Variants in TLN2 observed in about 807,000 individuals in gnomAD.
TLN2 encodes talin-2.
In TLN2, 118 loss-of-function variants were observed where a neutral mutation model predicts 294.7. The observed-to-expected ratio is 0.40, with a 90% CI of 0.34 to 0.47. The LOEUF (loss-of-function observed/expected upper bound fraction) is 0.47, where lower values mean the gene tolerates loss of function less well. Among genes scored for constraint, TLN2 ranks in the 20% least tolerant of loss-of-function variants. The pLI, the probability that TLN2 is intolerant of heterozygous loss-of-function variation, is 0.84. For missense variants in TLN2, 3,083 were observed against 3,282.2 expected, an observed-to-expected ratio of 0.94 and a Z score of 1.48; for synonymous variants, 1,431 against 1,304.5, an observed-to-expected ratio of 1.10 and a Z score of -2.09.
intron 1 of TLN2, among the ~76,000 whole-genome samples, chr15:62,566,050 T>C (rs1323396231): frequency 2.0e-5 from 3 of 152,040 alleles, no homozygotes; most frequent in East Asian, 3.9e-4. Flanking sequence ...CAAGCATAAA[T>C]GTTTGTTGTT....
chr15:62,420,645 A>G (rs888202778), intron 1 of TLN2, among the ~76,000 whole-genome samples: 1 of 152,238 alleles, frequency 6.6e-6, no homozygotes, highest in East Asian at 1.9e-4. Context: ...GTTAAATATT[A>G]AAAGCCAGTG....
At chr15:62,636,219 G>T (rs2050364225) in intron 3 of TLN2, among the ~76,000 whole-genome samples, 1 of 151,782 alleles carries the variant, frequency 6.6e-6, no homozygotes, top group African/African-American at 2.4e-5. Flanking sequence ...TAGACTTAAT[G>T]ACTTCTAAGT....
At chr15:62,396,614 G>A (rs1028641978) in intron 1 of TLN2, among the ~76,000 whole-genome samples, 13 of 152,288 alleles carry the variant, frequency 8.5e-5, no homozygotes, top group Middle Eastern at 3.4e-3. Flanking sequence ...TAAGAGCTCA[G>A]GAAAGCTCTT....
At chr15:62,455,463 G>A (rs936683925) in intron 1 of TLN2, among the ~76,000 whole-genome samples, 1 of 152,168 alleles carries the variant, frequency 6.6e-6, no homozygotes, top group Non-Finnish European at 1.5e-5. Context: ...GTTAAAGACT[G>A]GGGCACCGCA....
At chr15:62,605,625 G>T (rs988737882) in intron 2 of TLN2, among the ~76,000 whole-genome samples, 5 of 143,476 alleles carry the variant, frequency 3.5e-5, no homozygotes, top group Non-Finnish European at 3.1e-5. Context: ...TACTTGACCT[G>T]CCAGCTCAGA....
intron 1 of TLN2, among the ~76,000 whole-genome samples, chr15:62,397,773 C>T (rs2032676952): frequency 6.6e-6 from 1 of 152,122 alleles, no homozygotes; most frequent in Non-Finnish European, 1.5e-5. Context: ...TTCCTTTGGT[C>T]CTTGGTGGGG....
intron 1 of TLN2, among the ~76,000 whole-genome samples, chr15:62,502,143 G>T (rs1157159250): frequency 6.6e-6 from 1 of 152,212 alleles, no homozygotes; most frequent in Non-Finnish European, 1.5e-5. Context: ...AGTTTCTTCA[G>T]CTGAAGGAAG....
At chr15:62,761,930 C>G in intron 38 of TLN2, 109 bp downstream of exon 38, 1 of 1,410,484 alleles carries the variant, frequency 7.1e-7, no homozygotes. Context: ...AACATGTAGG[C>G]TACTGTTACT....
In TLN2 at chr15:62,842,963, G is replaced by A. The variant is rs536384718; in HGVS notation, c.*2353G>A. ...TGGTTTCTCATTTCATAAGATAGTT[G>A]AAGGGCCATGCCTTGTCTGGATGTT... On this transcript the variant is annotated 3_prime_UTR_variant, in exon 59 of 59. Transcript: ENST00000636159. 3 of 152,184 alleles carry A rather than the reference G, an allele frequency of 2.0e-5. No homozygotes were observed. The highest frequency in any genetic ancestry group is 7.2e-5 in the African/African-American group (3 of 41,428). The allele number at this position is 152,184 out of a possible 1,614,324, so 9.4% of individuals were successfully genotyped here. A position where few individuals can be genotyped will look rare whatever the true frequency, so the allele number is the denominator to read the frequency against.
chr15:62,459,735 T>C (rs1056439280), intron 1 of TLN2, among the ~76,000 whole-genome samples: 5 of 152,200 alleles, frequency 3.3e-5, no homozygotes, highest in African/African-American at 1.2e-4. Flanking sequence ...TAGTTGTTTT[T>C]CTTTCCTCCT....
At chr15:62,723,606 C>T (rs941289640) in intron 26 of TLN2, among the ~76,000 whole-genome samples, 6 of 135,742 alleles carry the variant, frequency 4.4e-5, no homozygotes, top group African/African-American at 1.4e-4. Flanking sequence ...TACAGTGGTG[C>T]AGTCATGGCT....
chr15:62,670,108 C>T (rs948093472), intron 9 of TLN2, among the ~76,000 whole-genome samples: 1 of 152,172 alleles, frequency 6.6e-6, no homozygotes, highest in African/African-American at 2.4e-5. Flanking sequence ...TGGACACCAC[C>T]ATCTGGTATT....
intron 55 of TLN2, chr15:62,835,200 A>G (rs1293048779): frequency 1.3e-5 from 2 of 154,194 alleles, no homozygotes; most frequent in Admixed American, 6.4e-5. Context: ...AGAGATCCAT[A>G]TTTCTCTCCC....
At position 62,541,951 on chromosome 15, in the gene TLN2, T is replaced by C. The variant is rs183390585; in HGVS notation, c.-237-47736T>C. ...ATATTGTGGATTATTTGTGAACAAA[T>C]ATTTTAATATACTAGATAAAAAGAC... On this transcript the variant is annotated intron_variant, in intron 1 of 58. Transcript: ENST00000636159. Among the ~76,000 whole-genome samples, 4 of 151,634 alleles carry C rather than the reference T, an allele frequency of 2.6e-5. No individual in the cohort carries two copies. The East Asian group carries it at 5.8e-4, about 22-fold the overall frequency.
chr15:62,775,472 G>A (rs374352369), intron 42 of TLN2, among the ~76,000 whole-genome samples: 1 of 152,184 alleles, frequency 6.6e-6, no homozygotes, highest in Non-Finnish European at 1.5e-5. Flanking sequence ...CCCAAAGAGA[G>A]TTCTGTGTAT....
At chr15:62,558,265 T>C (rs2042715646) in intron 1 of TLN2, among the ~76,000 whole-genome samples, 1 of 152,322 alleles carries the variant, frequency 6.6e-6, no homozygotes, top group African/African-American at 2.4e-5. Flanking sequence ...TTGTCATCCA[T>C]CTGATGTAGA....
chr15:62,465,903 G>A (rs2037109518), intron 1 of TLN2, among the ~76,000 whole-genome samples: 1 of 152,188 alleles, frequency 6.6e-6, no homozygotes, highest in South Asian at 2.1e-4. Flanking sequence ...AGAATCATAG[G>A]TTTTAGGATT....
rs112061643 is a variant in TLN2, at chr15:62,670,989, T to C, written c.789-2838T>C. Among the ~76,000 whole-genome samples, 527 of 152,318 alleles carry C rather than the reference T, an allele frequency of 3.5e-3. 1 individual carries two copies. The highest frequency in any genetic ancestry group is 0.014 in the Middle Eastern group (4 of 294). On this transcript the variant is annotated intron_variant, in intron 9 of 58. Transcript: ENST00000636159. ...TATTGTAGCCATCCTCGCGGGTATG[T>C]ATTGGTATCACATTGTGGTTTTTCT...
At chr15:62,631,119 A>C (rs986309724) in intron 3 of TLN2, among the ~76,000 whole-genome samples, 1 of 151,868 alleles carries the variant, frequency 6.6e-6, no homozygotes, top group Non-Finnish European at 1.5e-5. Flanking sequence ...AGCAAAATAG[A>C]CTCTGTTGGC....
Sources: allele counts gnomAD v4.1 joint callset (sites outside exome capture counted in the v4.1 genomes callset), GRCh38; gene constraint gnomAD v4.1.1; transcripts MANE v1.5; gene names NCBI Gene and HGNC (gene_info 2026-07-23, HGNC 2026-07-21).